The following MFGE8 variants were observed in gnomAD, a reference collection of about 807,000 sequenced individuals.
MFGE8 encodes lactadherin.
Under a neutral mutation model 42.6 loss-of-function variants are expected in MFGE8, and 34 were observed. The ratio of observed to expected loss-of-function variants is 0.80; its 90% CI spans 0.61 to 1.06. The LOEUF (loss-of-function observed/expected upper bound fraction) is 1.06, where lower values mean the gene tolerates loss of function less well. Ranked by LOEUF, MFGE8 falls within the 50% of genes least tolerant of loss-of-function variation. MFGE8 has a pLI of 0.00. For synonymous variants in MFGE8, 230 were observed against 214.8 expected, an observed-to-expected ratio of 1.07 and a Z score of -0.62; for missense variants, 510 against 516.9, an observed-to-expected ratio of 0.99 and a Z score of 0.13.
rs1898281209 is a variant in MFGE8, at chr15:88,899,917, G to C, written c.871-106C>G. On this transcript the variant is annotated intron_variant, in intron 6 of 7. Transcript: ENST00000268150. This position sits in a 1 kb window ranked among gnomAD's most constrained non-coding sequence, Gnocchi z 6.8. Reference sequence around the variant, plus strand: ...ATTCTAGTTTTGAAAAAAACTACTTGGGTGAGCCTCAGTTTCTTTGGCTAT... The same window carrying C: ...ATTCTAGTTTTGAAAAAAACTACTTCGGTGAGCCTCAGTTTCTTTGGCTAT... 3.7e-6 allele frequency: 5 copies of C among 1,339,418 alleles called. No individual in the cohort carries two copies. The Admixed American group carries it at 7.7e-5, about 21-fold the overall frequency. The allele number at this position is 1,339,418 out of a possible 1,614,324, so 83.0% of individuals were successfully genotyped here.
At chr15:88,900,263 G>A (rs558848301) in intron 6 of MFGE8, among the ~76,000 whole-genome samples, 5 of 150,216 alleles carry the variant, frequency 3.3e-5, no homozygotes, top group Non-Finnish European at 5.9e-5. Flanking sequence ...AAAAAAAAGC[G>A]GTGAGGGGGC....
rs1386532951 is a variant in MFGE8 at position 88,906,951 on chromosome 15, C to A, written c.388-173G>T. On this transcript the variant is annotated intron_variant, in intron 3 of 7. Coordinates refer to ENST00000268150, the MANE Select transcript of MFGE8 (RefSeq NM_005928.4). This position sits in a 1 kb window ranked among gnomAD's most constrained non-coding sequence, Gnocchi z 4.2. ...AAAGGGCTTTCTTCTTCTGCCCAGG[C>A]CTCCAGAGGCCTCATCCAGCACCAA... 2.6e-5 allele frequency among the ~76,000 whole-genome samples: 4 copies of A among 152,180 alleles called. No homozygotes were observed. The highest frequency in any genetic ancestry group is 6.5e-5 in the Admixed American group (1 of 15,282).
chr15:88,900,449 T>C (rs1385643279), intron 6 of MFGE8, among the ~76,000 whole-genome samples: 1 of 152,164 alleles, frequency 6.6e-6, no homozygotes, highest in Non-Finnish European at 1.5e-5. Context: ...TGAACTGCTC[T>C]AGAGGCTCCC....
chr15:88,900,691 G>A lies in MFGE8; in HGVS notation c.870+860C>T, dbSNP rs150921132. On this transcript the variant is annotated intron_variant, in intron 6 of 7. Transcript: ENST00000268150. ...GCAGGTGGGTACTAGGCAGATCATC[G>A]TCCTGCCAGCTCTCGGCTTCCTCAT... 2.5e-3 allele frequency: 2,488 copies of A among 985,138 alleles called. 117 individuals are homozygous for A. In the South Asian group the frequency reaches 0.092, roughly 36 times the overall value. The allele number at this position is 985,138 out of a possible 1,614,324, so 61.0% of individuals were successfully genotyped here.
chr15:88,899,692 C>T lies in MFGE8; in HGVS notation c.990G>A (p.Trp330Ter), dbSNP rs1898269409. 6.2e-7 allele frequency: 1 copy of T among 1,614,190 alleles called. No homozygotes were observed. Residue 330 changes from tryptophan (W) to a stop codon, truncating the protein, a stop_gained, in exon 7 of 8, where the codon TGG (tryptophan) becomes TGA (stop). Transcript: ENST00000268150. LOFTEE classifies it low-confidence loss of function (END_TRUNC). This position sits in a 1 kb window ranked among gnomAD's most constrained non-coding sequence, Gnocchi z 6.8. ...KVAYSNDSAN[W>*]TEYQDPRTGS... ...CAGTCCTGGGGTCCTGGTACTCAGT[C>T]CAGTTCGCACTGTCATTACTGTAGG...
At position 88,901,605 on chromosome 15, in the gene MFGE8, C is replaced by G. The variant is rs143695515; in HGVS notation, c.816G>C (p.Gln272His). 5.7e-5 allele frequency: 92 copies of G among 1,613,826 alleles called. No individual in the cohort carries two copies. Among genetic ancestry groups the G allele is most frequent in the Middle Eastern group, 4.9e-4 (3 of 6,084 alleles). The change falls in exon 6 of 8, where the codon CAG becomes CAC. Residue 272 changes from glutamine (Q) to histidine (H), a missense_variant. Gln to His is a conservative substitution (Grantham distance 24). Coordinates refer to ENST00000268150, the MANE Select transcript of MFGE8 (RefSeq NM_005928.4). ...CCGCAACCCAGGCGTTGAAGTTGCC[C>G]TGCTTGTCCAGCCGTGCATAGGAGG... ...WNPSYARLDK[Q>H]GNFNAWVAGS... is the part of the protein sequence containing the mutation.
Position 88,908,577 on chromosome 15 carries a change from C to T in MFGE8, c.206-1201G>A, listed in dbSNP as rs546198312. Among the ~76,000 whole-genome samples the T allele has an allele frequency of 2.4e-4, 37 of 152,288 alleles. 1 individual carries two copies. In the South Asian group the frequency reaches 7.3e-3, roughly 30 times the overall value. ...CCCCTGCCTTCTTCCTGGGTGCAGC[C>T]ATATCCAGCCTGGGGAAGATCCCAG... On this transcript the variant is annotated intron_variant, in intron 2 of 7. Transcript: ENST00000268150.
intron 5 of MFGE8, chr15:88,904,251 T>A (rs1898562486): frequency 6.6e-6 from 1 of 152,216 alleles, no homozygotes; most frequent in African/African-American, 2.4e-5. Flanking sequence ...TAAACATCCA[T>A]CGAATTAAAT....
rs541928494 is a variant in MFGE8, at chr15:88,905,366, C to T, written c.685+391G>A. 9.0e-4 allele frequency: 365 copies of T among 405,138 alleles called. No homozygotes were observed. Among genetic ancestry groups the T allele is most frequent in the Admixed American group, 2.4e-3 (75 of 31,546 alleles). The allele number at this position is 405,138 out of a possible 1,614,324, so 25.1% of individuals were successfully genotyped here. On this transcript the variant is annotated intron_variant, in intron 5 of 7. Transcript: ENST00000268150. This position sits in a 1 kb window ranked among gnomAD's most constrained non-coding sequence, Gnocchi z 6.6. ...ATTTATTGAGTACCTATAAACCAGA[C>T]ACCATTCTAGGCCCTGGGAATACCG...
rs1878327 is a variant in MFGE8 at position 88,907,315 on chromosome 15, C to T, written c.267G>A (p.Ser89=). ...GNIANSQIAA[S]SVRVTFLGLQ... is the part of the protein sequence containing the mutation. ...AACCCAAGAAGGTCACACGCACAGA[C>T]GAGGCGGCGATCTGTGAGTTGGCAA... The change falls in exon 3 of 8, where the codon TCG becomes TCA. Residue 89 remains serine, a synonymous_variant. Transcript: ENST00000268150. The T allele has an allele frequency of 0.64, 1,033,293 of 1,613,758 alleles. 333,625 individuals are homozygous for T. Among genetic ancestry groups the T allele is most frequent in the African/African-American group, 0.78 (58,581 of 74,998 alleles).
Position 88,903,883 on chromosome 15 carries a change from G to C in MFGE8, c.685+1874C>G, listed in dbSNP as rs1898547389. 1 of 152,426 alleles carries C rather than the reference G, an allele frequency of 6.6e-6. No homozygotes were observed. Among genetic ancestry groups the C allele is most frequent in the Non-Finnish European group, 1.5e-5 (1 of 68,178 alleles). 9.4% of individuals were successfully genotyped at this position (152,426 alleles called of 1,614,324 possible). A position where few individuals can be genotyped will look rare whatever the true frequency, so the allele number is the denominator to read the frequency against. ...GCTGCCCCTCCATCTCTTGGCTCCA[G>C]CTCCACTGGCCTTCCTTCCACCCTT... On this transcript the variant is annotated intron_variant, in intron 5 of 7. Transcript: ENST00000268150. This position sits in a 1 kb window ranked among gnomAD's most constrained non-coding sequence, Gnocchi z 4.9.
Position 88,913,309 on chromosome 15 carries a change from G to T in MFGE8, c.11C>A (p.Pro4His). 2 of 1,461,362 alleles carry T rather than the reference G, an allele frequency of 1.4e-6. No homozygotes were observed. The highest frequency in any genetic ancestry group is 2.7e-5 in the South Asian group (2 of 73,540). The allele number at this position is 1,461,362 out of a possible 1,614,324, so 90.5% of individuals were successfully genotyped here. A position where few individuals can be genotyped will look rare whatever the true frequency, so the allele number is the denominator to read the frequency against. Residue 4 changes from proline (P) to histidine (H), a missense_variant, in exon 1 of 8, where the codon CCC becomes CAC. Pro to His is a moderately conservative substitution (Grantham distance 77). Transcript: ENST00000268150. MPR[P>H]RLLAALCGAL... ...GCCGCACAGCGCGGCCAGCAGGCGG[G>T]GGCGCGGCATGCTGCGGGGACGCGG...
chr15:88,912,681 T>C (rs1899022443), intron 1 of MFGE8: 1 of 985,136 alleles, frequency 1.0e-6, no homozygotes, highest in Non-Finnish European at 1.2e-6. Context: ...TCTTCCAAGC[T>C]CCTCGAAGCC....
At chr15:88,911,995 CAG>C in intron 1 of MFGE8, 1 of 650,922 alleles carries the variant, frequency 1.5e-6, no homozygotes, top group Non-Finnish European at 2.4e-6. Flanking sequence ...TTGACACAGA[CAG>C]AGGCTTGGGT....
chr15:88,911,780 C>A (rs962520119), intron 1 of MFGE8, among the ~76,000 whole-genome samples: 1 of 151,898 alleles, frequency 6.6e-6, no homozygotes, highest in South Asian at 2.1e-4. Flanking sequence ...CAGAGTCACC[C>A]ATCTAAGGCT....
chr15:88,903,836 C>G lies in MFGE8; in HGVS notation c.685+1921G>C, dbSNP rs1405902423. On this transcript the variant is annotated intron_variant, in intron 5 of 7. Transcript: ENST00000268150. The surrounding 1 kb of genome is among the most constrained non-coding windows in gnomAD (Gnocchi z 4.9). ...CTCCTAGGTGATGACACTGCGGGTC[C>G]CTGGGGCTCTTCACCCACCAAGCTG... The G allele has an allele frequency of 6.6e-6, 1 of 152,386 alleles. No homozygotes were observed. Among genetic ancestry groups the G allele is most frequent in the Non-Finnish European group, 1.5e-5 (1 of 68,166 alleles). 9.4% of individuals were successfully genotyped at this position (152,386 alleles called of 1,614,324 possible).
At chr15:88,910,988 G>A (rs954287446) in intron 1 of MFGE8, 1 of 152,224 alleles carries the variant, frequency 6.6e-6, no homozygotes, top group Non-Finnish European at 1.5e-5. Context: ...CCAATTGCGG[G>A]ATGAAGAAGG....
intron 6 of MFGE8, 34 bp downstream of exon 6, chr15:88,901,517 A>AAACCCAAAAAGCAGGCC: frequency 9.3e-7 from 1 of 1,072,614 alleles, no homozygotes; most frequent in Admixed American, 1.8e-5. Flanking sequence ...ATCCCACCCA[A>AAACCCAAAAAGCAGGCC]CCCCAGCCCC....
Position 88,909,932 on chromosome 15 carries a change from A to G in MFGE8, c.74-9T>C, listed in dbSNP as rs758012471. On this transcript the variant is annotated splice_polypyrimidine_tract_variant and intron_variant, in intron 1 of 7. Transcript: ENST00000268150. The stretch of plus-strand genomic sequence containing the variant: ...GTTTTTGGAACAGATATCTGGGGAC[A>G]GAGACAGGTAAGATGAGCAGATGAT... 8.1e-6 allele frequency: 13 copies of G among 1,613,972 alleles called. No individual in the cohort carries two copies. Among genetic ancestry groups the G allele is most frequent in the Non-Finnish European group, 1.1e-5 (13 of 1,179,908 alleles).
Sources: allele counts gnomAD v4.1 joint callset (sites outside exome capture counted in the v4.1 genomes callset), GRCh38; gene constraint gnomAD v4.1.1; non-coding constraint Gnocchi (gnomAD v3.1); transcripts MANE v1.5; gene names NCBI Gene and HGNC (gene_info 2026-07-23, HGNC 2026-07-21).